The following KCNQ3 variants were observed in gnomAD, a reference collection of about 807,000 sequenced individuals.
KCNQ3 encodes the protein potassium voltage-gated channel subfamily Q member 3.
In KCNQ3, 30 loss-of-function variants were observed where a neutral mutation model predicts 92.5. The ratio of observed to expected loss-of-function variants is 0.32; its 90% CI spans 0.24 to 0.44. KCNQ3 has a LOEUF of 0.44. KCNQ3 is among the 20% of genes least tolerant of loss of function. The pLI is 1.00. For synonymous variants in KCNQ3, 450 were observed against 468.8 expected (o/e 0.96, Z 0.52); for missense variants, 913 against 1,140.3 (o/e 0.80, Z 2.87).
At chr8:132,138,475 AT>A (rs1291466527) in intron 11 of KCNQ3, among the ~76,000 whole-genome samples, 1 of 152,178 alleles carries the variant, frequency 6.6e-6, no homozygotes, top group African/African-American at 2.4e-5. Flanking sequence ...ACTGCTTGCT[AT>A]TTGAGGACAG....
intron 1 of KCNQ3, among the ~76,000 whole-genome samples, chr8:132,351,704 C>T (rs1169613307): frequency 6.6e-6 from 1 of 152,134 alleles, no homozygotes; most frequent in Non-Finnish European, 1.5e-5. Context: ...CACTTGGAAG[C>T]AGGTGACTGT....
At chr8:132,336,913 C>T (rs1216390408) in intron 1 of KCNQ3, among the ~76,000 whole-genome samples, 1 of 152,174 alleles carries the variant, frequency 6.6e-6, no homozygotes, top group Non-Finnish European at 1.5e-5. Context: ...TGGGCCTCTA[C>T]AGGAATCTAG....
At chr8:132,339,943 T>C (rs1018694085) in intron 1 of KCNQ3, among the ~76,000 whole-genome samples, 4 of 150,134 alleles carry the variant, frequency 2.7e-5, no homozygotes, top group African/African-American at 9.8e-5. Context: ...CTCTTCTGAG[T>C]GCGGGCAACA....
intron 1 of KCNQ3, among the ~76,000 whole-genome samples, 155 bp downstream of exon 1, chr8:132,479,992 A>ACACC (rs1191748667): frequency 3.1e-4 from 45 of 146,966 alleles, no homozygotes; most frequent in South Asian, 1.3e-3. Flanking sequence ...ACACACACAC[A>ACACC]CCCAGGGAAA....
intron 1 of KCNQ3, among the ~76,000 whole-genome samples, chr8:132,422,914 G>A (rs1663743489): frequency 6.6e-6 from 1 of 152,128 alleles, no homozygotes; most frequent in African/African-American, 2.4e-5. Context: ...CACAGCCATG[G>A]AACAGCACAC....
At chr8:132,473,508 A>T (rs1031617720) in intron 1 of KCNQ3, among the ~76,000 whole-genome samples, 4 of 152,170 alleles carry the variant, frequency 2.6e-5, no homozygotes, top group Non-Finnish European at 5.9e-5. Flanking sequence ...TGTTTTATTT[A>T]TTTCTATATC....
intron 1 of KCNQ3, among the ~76,000 whole-genome samples, chr8:132,458,663 C>A (rs1821997043): frequency 6.6e-6 from 1 of 152,198 alleles, no homozygotes; most frequent in Non-Finnish European, 1.5e-5. Context: ...CCATGTTGGC[C>A]AAGCTGGTCT....
In KCNQ3 at chr8:132,175,586, A is replaced by T. The variant is rs1317809487; in HGVS notation, c.800T>A (p.Ile267Asn). 6.2e-7 allele frequency: 1 copy of T among 1,614,160 alleles called. No homozygotes were observed. Among genetic ancestry groups the T allele is most frequent in the Non-Finnish European group, 8.5e-7 (1 of 1,180,002 alleles). ...AGAAAGGATGAGTGTCAGGAAACCG[A>T]TGTACCAGGCCGTGATGAGTTCCTG... is the stretch of plus-strand genomic sequence containing the variant. ...HSKELITAWY[I>N]GFLTLILSSF... Residue 267 changes from isoleucine to asparagine, a missense_variant, in exon 5 of 15, where the codon ATC (isoleucine) becomes AAC (asparagine). This residue lies in a region of KCNQ3 where 100 missense variants were observed against 217.6 expected (regional missense o/e 0.46). Transcript: ENST00000388996.
chr8:132,403,627 G>A (rs79703152), intron 1 of KCNQ3, among the ~76,000 whole-genome samples: 1,652 of 152,278 alleles, frequency 0.011, 25 homozygotes, highest in African/African-American at 0.038. Context: ...AAAACTTCAA[G>A]GAAGGAAAGT....
chr8:132,312,817 G>T (rs746834481), intron 1 of KCNQ3, among the ~76,000 whole-genome samples: 1 of 152,136 alleles, frequency 6.6e-6, no homozygotes, highest in Non-Finnish European at 1.5e-5. Context: ...GTTTCCTGAG[G>T]TCTCTCCAGC....
chr8:132,257,682 G>A (rs1305230494), intron 1 of KCNQ3, among the ~76,000 whole-genome samples: 1 of 149,898 alleles, frequency 6.7e-6, no homozygotes, highest in Non-Finnish European at 1.5e-5. Flanking sequence ...AGGAGGTGGA[G>A]GTTGCAGTGA....
intron 8 of KCNQ3, among the ~76,000 whole-genome samples, chr8:132,165,623 T>C (rs1308653419): frequency 6.6e-6 from 1 of 152,148 alleles, no homozygotes; most frequent in Non-Finnish European, 1.5e-5. Context: ...ACAACAATCT[T>C]CAAAAATGGG....
intron 1 of KCNQ3, among the ~76,000 whole-genome samples, chr8:132,392,380 T>A (rs1006901674): frequency 1.3e-5 from 2 of 152,108 alleles, no homozygotes; most frequent in African/African-American, 2.4e-5. Context: ...AATACTATCA[T>A]GCGCTCTCCT....
intron 1 of KCNQ3, among the ~76,000 whole-genome samples, chr8:132,188,038 C>A (rs1179759019): frequency 6.6e-6 from 1 of 152,130 alleles, no homozygotes; most frequent in African/African-American, 2.4e-5. Context: ...TGAAGACATT[C>A]ATCAAAAAGA....
chr8:132,305,762 G>A (rs759454564), intron 1 of KCNQ3, among the ~76,000 whole-genome samples: 9 of 152,176 alleles, frequency 5.9e-5, no homozygotes, highest in Middle Eastern at 3.4e-3. Flanking sequence ...CTTGGGGGCA[G>A]TAATAGAGTT....
chr8:132,403,382 T>C (rs1251369331), intron 1 of KCNQ3, among the ~76,000 whole-genome samples: 4 of 152,124 alleles, frequency 2.6e-5, no homozygotes. Context: ...AAGCCTTCTG[T>C]GCACAGACCT....
chr8:132,336,152 TA>T (rs952304284), intron 1 of KCNQ3, among the ~76,000 whole-genome samples: 1 of 152,158 alleles, frequency 6.6e-6, no homozygotes, highest in African/African-American at 2.4e-5. Flanking sequence ...TGCATTCCCA[TA>T]GGGCAGGGTC....
chr8:132,462,144 A>C (rs1822074211), intron 1 of KCNQ3, among the ~76,000 whole-genome samples: 1 of 152,128 alleles, frequency 6.6e-6, no homozygotes, highest in South Asian at 2.1e-4. Context: ...GACCTTGTAA[A>C]TATACTAAAA....
At chr8:132,456,056 T>G (rs1300115680) in intron 1 of KCNQ3, among the ~76,000 whole-genome samples, 2 of 152,102 alleles carry the variant, frequency 1.3e-5, no homozygotes, top group Admixed American at 1.3e-4. Flanking sequence ...ATGGATACTA[T>G]TAATATTCTC....
Sources: gnomAD v4.1 joint callset for allele counts (sites outside exome capture counted in the v4.1 genomes callset) on GRCh38, gnomAD v4.1.1 for gene constraint, gnomAD v4.1.1 regional missense constraint, MANE v1.5 for transcripts, NCBI Gene and HGNC (gene_info 2026-07-23, HGNC 2026-07-21) for gene names.